RPL6: variants seen among roughly 807,000 people sequenced by gnomAD.
The protein encoded by RPL6 is large ribosomal subunit protein eL6.
RPL6 carries 1 observed loss-of-function variant against 32.1 expected under a neutral mutation model. The ratio of observed to expected loss-of-function variants is 0.03; its 90% CI spans 0.01 to 0.15. The LOEUF is 0.15. Among genes scored for constraint, RPL6 ranks in the 10% least tolerant of loss-of-function variants. The probability of loss-of-function intolerance (pLI) is 1.00; values close to 1 mark genes in which losing one functional copy is unlikely to be tolerated. For synonymous variants in RPL6, 126 were observed against 131.6 expected (o/e 0.96, Z 0.29); for missense variants, 275 against 354.6 (o/e 0.78, Z 1.80).
At chr12:112,414,860 A>G (rs763467227), upstream of RPL6, among the ~76,000 whole-genome samples, 2 of 151,942 alleles carry the variant, frequency 1.3e-5, no homozygotes, top group Non-Finnish European at 2.9e-5. Flanking sequence ...AGTCGAGATC[A>G]CGCCACTGCA....
upstream of RPL6, among the ~76,000 whole-genome samples, chr12:112,411,798 A>C (rs1329816636): frequency 6.6e-6 from 1 of 152,214 alleles, no homozygotes; most frequent in Non-Finnish European, 1.5e-5. Flanking sequence ...GTTTTTATTA[A>C]GTTTAGTTTT....
At chr12:112,407,542 TCAAC>T (rs2037209074) in intron 3 of RPL6, 1 of 152,920 alleles carries the variant, frequency 6.5e-6, no homozygotes, top group African/African-American at 2.4e-5. Context: ...GCAGTAATCT[TCAAC>T]TGTGAAACTG....
upstream of RPL6, among the ~76,000 whole-genome samples, chr12:112,413,355 C>T (rs10850037): frequency 0.056 from 8,560 of 151,728 alleles, 1,292 homozygotes; most frequent in East Asian, 0.61. Flanking sequence ...GCTAACACGG[C>T]GAAACCCCGT....
At chr12:112,413,253 T>C (rs1234400405), upstream of RPL6, among the ~76,000 whole-genome samples, 1 of 152,188 alleles carries the variant, frequency 6.6e-6, no homozygotes, top group Non-Finnish European at 1.5e-5. Flanking sequence ...TAAGATGGAG[T>C]TGGCCGGGTG....
intron 3 of RPL6, chr12:112,407,296 C>T (rs891101769): frequency 6.2e-6 from 1 of 161,594 alleles, no homozygotes; most frequent in African/African-American, 2.4e-5. Context: ...ACAAGTCTTA[C>T]TCCCACTTCA....
chr12:112,416,226 A>T (rs1289716004), intron 1 of RPL6, among the ~76,000 whole-genome samples: 1 of 133,692 alleles, frequency 7.5e-6, no homozygotes, highest in African/African-American at 2.9e-5. Flanking sequence ...TGCAAGCTCC[A>T]CCTCCTGGGT....
chr12:112,411,136 C>T (rs920084598), upstream of RPL6, among the ~76,000 whole-genome samples: 20 of 152,164 alleles, frequency 1.3e-4, no homozygotes, highest in Non-Finnish European at 2.5e-4. Flanking sequence ...AACCATTAGG[C>T]TGCAAGATTA....
At chr12:112,415,873 C>T (rs905740136) in intron 1 of RPL6, among the ~76,000 whole-genome samples, 2 of 126,910 alleles carry the variant, frequency 1.6e-5, no homozygotes, top group East Asian at 4.9e-4. Flanking sequence ...GGGGATAAAC[C>T]TTTTTTTTTT....
intron 1 of RPL6, among the ~76,000 whole-genome samples, chr12:112,415,864 G>C (rs1022761992): frequency 6.6e-6 from 1 of 150,676 alleles, no homozygotes; most frequent in African/African-American, 2.4e-5. Flanking sequence ...CACATCCAGG[G>C]GGATAAACCT....
At chr12:112,418,821 G>T (rs997562896) in exon 1 of RPL6, 3 of 475,604 alleles carry the variant, frequency 6.3e-6, no homozygotes, top group African/African-American at 4.1e-5. Context: ...CCCGGCCGTC[G>T]CTCGGTCCTC....
At chr12:112,409,375 A>C in intron 1 of RPL6, 1 of 397,490 alleles carries the variant, frequency 2.5e-6, no homozygotes, top group Non-Finnish European at 4.4e-6. Context: ...AGAGTGGCGA[A>C]GAACCGGAGG....
exon 1 of RPL6, chr12:112,418,780 G>A: frequency 2.3e-6 from 1 of 433,896 alleles, no homozygotes. Context: ...CACTGTGCGT[G>A]GCGCCTCCGC....
upstream of RPL6, among the ~76,000 whole-genome samples, chr12:112,411,673 A>G (rs1473606269): frequency 2.0e-5 from 3 of 152,204 alleles, no homozygotes; most frequent in East Asian, 5.8e-4. Flanking sequence ...TATGTGTTGA[A>G]TGACCTGTCA....
In RPL6 at chr12:112,408,568, C is replaced by T; in HGVS notation, c.89G>A (p.Gly30Asp). 1 of 1,604,598 alleles carries T rather than the reference C, an allele frequency of 6.2e-7. No individual in the cohort carries two copies. Among genetic ancestry groups the T allele is most frequent in the South Asian group, 1.1e-5 (1 of 91,016 alleles). Reference sequence around the variant, plus strand: ...CTTGGGCTTTTTAGCTTTGAGGTTACCCTTTTTCACCTTGCCACCAGCATC... The same window carrying T: ...CTTGGGCTTTTTAGCTTTGAGGTTATCCTTTTTCACCTTGCCACCAGCATC... ...KVDAGGKVKK[G>D]NLKAKKPKKG... Residue 30 changes from glycine (G) to aspartate (D), a missense_variant, in exon 2 of 7, where the codon GGT becomes GAT. Physicochemically the swap from Gly to Asp is moderately conservative, Grantham distance 94. Transcript: ENST00000202773.
At position 112,408,553 on chromosome 12, in the gene RPL6, T is replaced by C. The variant is rs1183109034; in HGVS notation, c.104A>G (p.Lys35Arg). 6.2e-7 allele frequency: 1 copy of C among 1,608,520 alleles called. No homozygotes were observed. Among genetic ancestry groups the C allele is most frequent in the African/African-American group, 1.3e-5 (1 of 74,922 alleles). ...ATGGGGCTTCCCCTTCTTGGGCTTT[T>C]TAGCTTTGAGGTTACCCTTTTTCAC... The part of the protein sequence containing the change: ...GKVKKGNLKA[K>R]KPKKGKPHCS... The change falls in exon 2 of 7, where the codon AAA (lysine) becomes AGA (arginine). Residue 35 changes from lysine (K) to arginine (R), a missense_variant. Lys to Arg is a conservative substitution (Grantham distance 26, BLOSUM62 2). Coordinates refer to ENST00000202773, the MANE Select transcript of RPL6 (RefSeq NM_000970.6).
upstream of RPL6, among the ~76,000 whole-genome samples, chr12:112,412,519 A>G (rs2135808668): frequency 6.8e-6 from 1 of 148,068 alleles, no homozygotes; most frequent in African/African-American, 2.5e-5. Flanking sequence ...TCTGTCGCCC[A>G]GGCTGGAATG....
chr12:112,405,503 G>A (rs984031303), intron 6 of RPL6, 127 bp from the exon 7 acceptor site: 3 of 991,872 alleles, frequency 3.0e-6, no homozygotes, highest in Non-Finnish European at 4.5e-6. Flanking sequence ...AGACAATTTT[G>A]ACAATCCTTT....
chr12:112,410,722 C>T (rs1179822426), upstream of RPL6, among the ~76,000 whole-genome samples: 1 of 151,426 alleles, frequency 6.6e-6, no homozygotes, highest in Non-Finnish European at 1.5e-5. Flanking sequence ...TACAGGCGCA[C>T]ACCACCATGC....
At chr12:112,417,684 G>C (rs1366297028) in intron 1 of RPL6, among the ~76,000 whole-genome samples, 2 of 150,228 alleles carry the variant, frequency 1.3e-5, no homozygotes, top group African/African-American at 2.5e-5. Flanking sequence ...TGGGATGAAG[G>C]CGTGAGCCAC....
Sources: gnomAD v4.1 joint callset for allele counts (sites outside exome capture counted in the v4.1 genomes callset) on GRCh38, gnomAD v4.1.1 for gene constraint, MANE v1.5 for transcripts, NCBI Gene and HGNC (gene_info 2026-07-23, HGNC 2026-07-21) for gene names.